The following CHRM3 variants were observed in gnomAD, a reference collection of about 807,000 sequenced individuals.
The protein encoded by CHRM3 is cholinergic receptor muscarinic 3, also known as muscarinic acetylcholine receptor M3.
In CHRM3, 11 loss-of-function variants were observed where a neutral mutation model predicts 41.8. The observed-to-expected ratio is 0.26, with a 90% CI of 0.17 to 0.44. CHRM3 has a LOEUF of 0.44. Among genes scored for constraint, CHRM3 ranks in the 20% least tolerant of loss-of-function variants. The probability of loss-of-function intolerance (pLI) is 1.00; values close to 1 mark genes in which losing one functional copy is unlikely to be tolerated. For synonymous variants in CHRM3, 297 were observed against 301.4 expected (o/e 0.99, Z 0.15); for missense variants, 571 against 745.4 (o/e 0.77, Z 2.72).
At chr1:239,642,773 G>A (rs1671321199) in intron 4 of CHRM3, among the ~76,000 whole-genome samples, 1 of 152,168 alleles carries the variant, frequency 6.6e-6, no homozygotes, top group East Asian at 1.9e-4. Flanking sequence ...ACTCGTCAAA[G>A]TCATTCTCCA....
At chr1:239,904,977 T>A (rs561299057) in intron 6 of CHRM3, among the ~76,000 whole-genome samples, 2 of 152,332 alleles carry the variant, frequency 1.3e-5, no homozygotes, top group African/African-American at 4.8e-5. Context: ...GCTCCTGAGA[T>A]CATGGATTTT....
intron 4 of CHRM3, among the ~76,000 whole-genome samples, chr1:239,671,099 G>A (rs1347902604): frequency 6.6e-6 from 1 of 152,074 alleles, no homozygotes; most frequent in African/African-American, 2.4e-5. Flanking sequence ...CATTCTTACG[G>A]TATGGGATAG....
intron 6 of CHRM3, among the ~76,000 whole-genome samples, chr1:239,881,665 A>G (rs6699096): frequency 1.0e-3 from 153 of 152,228 alleles, no homozygotes; most frequent in African/African-American, 3.5e-3. Context: ...TCTGCTTCCT[A>G]TGCCCTTTGA....
chr1:239,765,983 AT>A (rs1269650702), intron 5 of CHRM3, among the ~76,000 whole-genome samples: 1 of 151,880 alleles, frequency 6.6e-6, no homozygotes, highest in African/African-American at 2.4e-5. Flanking sequence ...CACCAGGCTA[AT>A]TTTTGTATTT....
chr1:239,642,309 G>T (rs1454225305), intron 4 of CHRM3, among the ~76,000 whole-genome samples: 1 of 151,536 alleles, frequency 6.6e-6, no homozygotes, highest in African/African-American at 2.4e-5. Context: ...TTGAATGTTG[G>T]CCTGCCTTGC....
chr1:239,669,891 G>T (rs61834786), intron 4 of CHRM3, among the ~76,000 whole-genome samples: 2 of 152,074 alleles, frequency 1.3e-5, no homozygotes, highest in East Asian at 3.9e-4. Context: ...TGGCCAACTC[G>T]TTTCTTTTAC....
chr1:239,426,316 A>G (rs1229179701), intron 1 of CHRM3, among the ~76,000 whole-genome samples: 3 of 150,664 alleles, frequency 2.0e-5, no homozygotes, highest in African/African-American at 4.9e-5. Flanking sequence ...TCCTAACTCA[A>G]TGATTTACTT....
chr1:239,415,522 G>A (rs908605004), intron 1 of CHRM3, among the ~76,000 whole-genome samples: 1 of 152,096 alleles, frequency 6.6e-6, no homozygotes, highest in African/African-American at 2.4e-5. Flanking sequence ...AATAAAATAT[G>A]AAAATAGGAA....
At chr1:239,493,893 T>C (rs1667715679) in intron 2 of CHRM3, among the ~76,000 whole-genome samples, 2 of 152,146 alleles carry the variant, frequency 1.3e-5, no homozygotes, top group African/African-American at 4.8e-5. Context: ...TTCTTGGCTT[T>C]ACACAGGAAA....
intron 3 of CHRM3, among the ~76,000 whole-genome samples, chr1:239,629,979 A>C (rs1383125446): frequency 6.6e-6 from 1 of 152,230 alleles, no homozygotes; most frequent in East Asian, 1.9e-4. Context: ...CCTCATCTCT[A>C]AATGAATGTT....
In CHRM3 at chr1:239,775,501, G is replaced by A. The variant is rs147338168; in HGVS notation, c.-146-51751G>A. Among the ~76,000 whole-genome samples, 6 of 152,188 alleles carry A rather than the reference G, an allele frequency of 3.9e-5. No homozygotes were observed. In the East Asian group the frequency reaches 7.7e-4, roughly 20 times the overall value. On this transcript the variant is annotated intron_variant, in intron 5 of 6. Transcript: ENST00000676153. The stretch of plus-strand genomic sequence containing the variant: ...ACATACTCCTAGGGTCTCTTTAAAC[G>A]GAAAGTACAATTCAGCTTTAATTTG...
chr1:239,805,293 GT>G (rs1455069718), intron 5 of CHRM3, among the ~76,000 whole-genome samples: 1 of 152,158 alleles, frequency 6.6e-6, no homozygotes, highest in Non-Finnish European at 1.5e-5. Context: ...AGAGGGATAT[GT>G]TTTGCTTAAT....
intron 6 of CHRM3, among the ~76,000 whole-genome samples, chr1:239,859,820 TA>T (rs1179718919): frequency 0.057 from 118 of 2,060 alleles, no homozygotes; most frequent in South Asian, 0.4. Flanking sequence ...CTAAGTGTTT[TA>T]TATATATATA....
intron 1 of CHRM3, among the ~76,000 whole-genome samples, chr1:239,424,211 A>G (rs549225926): frequency 3.3e-5 from 5 of 152,288 alleles, no homozygotes; most frequent in South Asian, 2.1e-4. Context: ...CGACACGGCA[A>G]TGAGTGGTGT....
intron 5 of CHRM3, among the ~76,000 whole-genome samples, chr1:239,762,730 A>G (rs1320388549): frequency 6.6e-6 from 1 of 152,228 alleles, no homozygotes; most frequent in African/African-American, 2.4e-5. Flanking sequence ...AGAGCTAATT[A>G]TGTCCTTGAC....
intron 5 of CHRM3, among the ~76,000 whole-genome samples, chr1:239,740,826 G>T (rs754858529): frequency 6.6e-6 from 1 of 152,168 alleles, no homozygotes; most frequent in Non-Finnish European, 1.5e-5. Context: ...ACAAATGCTG[G>T]TGAGGCTGTG....
chr1:239,644,643 T>C (rs1671576039), intron 4 of CHRM3, among the ~76,000 whole-genome samples: 1 of 152,120 alleles, frequency 6.6e-6, no homozygotes, highest in Non-Finnish European at 1.5e-5. Context: ...GAGAGGGTTG[T>C]GATGAGAGAG....
intron 6 of CHRM3, among the ~76,000 whole-genome samples, chr1:239,838,323 C>T (rs1199882935): frequency 2.0e-5 from 3 of 152,040 alleles, no homozygotes; most frequent in African/African-American, 7.3e-5. Context: ...GGTGTTTGGG[C>T]AGAAAGGAGT....
intron 5 of CHRM3, among the ~76,000 whole-genome samples, chr1:239,750,650 C>T (rs150446475): frequency 3.1e-4 from 47 of 152,280 alleles, no homozygotes; most frequent in African/African-American, 9.1e-4. Context: ...CAATCAAAGG[C>T]GGCCAACTGT....
Sources: gnomAD v4.1 joint callset for allele counts (sites outside exome capture counted in the v4.1 genomes callset) on GRCh38, gnomAD v4.1.1 for gene constraint, MANE v1.5 for transcripts, NCBI Gene and HGNC (gene_info 2026-07-23, HGNC 2026-07-21) for gene names.